Variants in FSTL5 observed in about 807,000 individuals in gnomAD.
FSTL5 encodes follistatin-related protein 5.
In FSTL5, 62 loss-of-function variants were observed where a neutral mutation model predicts 89.1. The observed-to-expected ratio is 0.70, with a 90% CI of 0.57 to 0.86. The LOEUF (loss-of-function observed/expected upper bound fraction) is 0.86. Ranked by LOEUF, FSTL5 falls within the 40% of genes least tolerant of loss-of-function variation. The pLI is 0.00. For missense variants in FSTL5, 1,057 were observed against 1,001.6 expected (o/e 1.06, Z -0.75); for synonymous variants, 383 against 346.2 (o/e 1.11, Z -1.18).
intron 15 of FSTL5, among the ~76,000 whole-genome samples, chr4:161,408,096 G>A (rs1014095510): frequency 8.5e-5 from 13 of 152,110 alleles, no homozygotes; most frequent in African/African-American, 1.4e-4. Context: ...CCCTCCATCC[G>A]CAGGGTTGTT....
intron 7 of FSTL5, among the ~76,000 whole-genome samples, chr4:161,642,714 C>G (rs1011087714): frequency 6.6e-6 from 1 of 152,102 alleles, no homozygotes; most frequent in African/African-American, 2.4e-5. Flanking sequence ...AAGAGAAATA[C>G]TGTATAATTT....
chr4:162,158,276 G>A (rs1158393783), intron 1 of FSTL5, among the ~76,000 whole-genome samples: 1 of 151,970 alleles, frequency 6.6e-6, no homozygotes, highest in Non-Finnish European at 1.5e-5. Context: ...TTCTTATGCT[G>A]TTTGAGGCAC....
intron 8 of FSTL5, among the ~76,000 whole-genome samples, chr4:161,563,330 T>C (rs1171770697): frequency 6.6e-6 from 1 of 152,006 alleles, no homozygotes; most frequent in Admixed American, 6.6e-5. Context: ...GGAACTGCTT[T>C]ATCGTATGGC....
chr4:161,717,044 C>T (rs1236906104), intron 6 of FSTL5, among the ~76,000 whole-genome samples: 5 of 152,138 alleles, frequency 3.3e-5, no homozygotes, highest in Admixed American at 3.3e-4. Context: ...TATCTGGGAT[C>T]TCAATTCATA....
intron 15 of FSTL5, among the ~76,000 whole-genome samples, chr4:161,439,445 T>C (rs1732686495): frequency 6.6e-6 from 1 of 152,212 alleles, no homozygotes; most frequent in Non-Finnish European, 1.5e-5. Flanking sequence ...TCAATAACCA[T>C]GTACTCTTGT....
At chr4:161,635,794 A>G (rs1480276533) in intron 7 of FSTL5, among the ~76,000 whole-genome samples, 2 of 152,212 alleles carry the variant, frequency 1.3e-5, no homozygotes, top group African/African-American at 4.8e-5. Context: ...ATGTCAGTAT[A>G]AAGATGCTTG....
rs1244898366 is a variant in FSTL5, at chr4:161,835,023, G to A, written c.410-58949C>T. 6.2e-5 allele frequency among the ~76,000 whole-genome samples: 9 copies of A among 145,168 alleles called. 1 individual carries two copies. Among genetic ancestry groups the A allele is most frequent in the Non-Finnish European group, 1.4e-4 (9 of 66,492 alleles). ...AATCCTAAGCCAAAAGAACAAAGCT[G>A]GAGGCATCATGATACTTGACTTCAA... On this transcript the variant is annotated intron_variant, in intron 4 of 15. Coordinates refer to ENST00000306100, the MANE Select transcript of FSTL5 (RefSeq NM_020116.5).
intron 4 of FSTL5, among the ~76,000 whole-genome samples, chr4:161,895,463 T>C (rs1160838016): frequency 6.6e-6 from 1 of 152,148 alleles, no homozygotes; most frequent in Non-Finnish European, 1.5e-5. Context: ...GAGGCCAGTG[T>C]TCTGATTTGA....
rs184469784 is a variant in FSTL5, at chr4:161,456,276, A to G, written c.1717-1148T>C. ...CAGTATTTTGAAATTTTTGTAAGAC[A>G]CATATGACTTTTAAAAGTAAAATAA... On this transcript the variant is annotated intron_variant, in intron 14 of 15. Transcript: ENST00000306100. 3.9e-4 allele frequency among the ~76,000 whole-genome samples: 60 copies of G among 152,304 alleles called. 1 individual carries two copies. The highest frequency in any genetic ancestry group is 1.3e-3 in the African/African-American group (55 of 41,580).
chr4:161,932,052 T>G (rs779735628), intron 3 of FSTL5, among the ~76,000 whole-genome samples: 3 of 151,810 alleles, frequency 2.0e-5, no homozygotes, highest in Non-Finnish European at 4.4e-5. Context: ...AATTGTCAGG[T>G]GTAGTGGCAG....
intron 7 of FSTL5, among the ~76,000 whole-genome samples, chr4:161,635,190 C>T (rs568841424): frequency 1.1e-4 from 17 of 152,170 alleles, no homozygotes; most frequent in African/African-American, 3.1e-4. Flanking sequence ...AGTTCAAGAC[C>T]AGCCTGGCCA....
intron 3 of FSTL5, among the ~76,000 whole-genome samples, chr4:161,989,962 T>C (rs1163295648): frequency 1.3e-5 from 2 of 152,156 alleles, no homozygotes; most frequent in African/African-American, 4.8e-5. Context: ...GAATACATTG[T>C]CCAAACTCCT....
intron 11 of FSTL5, among the ~76,000 whole-genome samples, chr4:161,508,074 T>G (rs1730538194): frequency 6.6e-6 from 1 of 151,994 alleles, no homozygotes; most frequent in South Asian, 2.1e-4. Context: ...ATTGTAAAAA[T>G]GAAGAGACAA....
At chr4:161,865,513 CAGT>C (rs544780892) in intron 4 of FSTL5, among the ~76,000 whole-genome samples, 39 of 152,268 alleles carry the variant, frequency 2.6e-4, no homozygotes, top group African/African-American at 9.4e-4. Context: ...ATTCTAACCA[CAGT>C]ATGATTTTGA....
intron 2 of FSTL5, among the ~76,000 whole-genome samples, chr4:162,058,469 C>T (rs1331973469): frequency 6.7e-6 from 1 of 149,010 alleles, no homozygotes; most frequent in Non-Finnish European, 1.5e-5. Flanking sequence ...CTCTGTCCCC[C>T]AGGCTAGAGT....
chr4:162,094,545 T>C (rs1173628221), intron 2 of FSTL5, among the ~76,000 whole-genome samples: 1 of 152,016 alleles, frequency 6.6e-6, no homozygotes, highest in Admixed American at 6.6e-5. Context: ...ATAAATACAA[T>C]AGGTTTCTGC....
At chr4:161,820,678 G>A (rs1176355299) in intron 4 of FSTL5, among the ~76,000 whole-genome samples, 3 of 152,090 alleles carry the variant, frequency 2.0e-5, no homozygotes, top group Admixed American at 1.3e-4. Flanking sequence ...TTTCCTTCAC[G>A]GACTTGGCAC....
At chr4:161,768,621 T>C (rs758255452) in intron 5 of FSTL5, among the ~76,000 whole-genome samples, 15 of 151,998 alleles carry the variant, frequency 9.9e-5, no homozygotes, top group Non-Finnish European at 1.8e-4. Flanking sequence ...CCACCGTCTA[T>C]CTCTCTTATA....
chr4:161,409,003 T>C (rs1262581660), intron 15 of FSTL5, among the ~76,000 whole-genome samples: 4 of 152,180 alleles, frequency 2.6e-5, no homozygotes, highest in Non-Finnish European at 4.4e-5. Flanking sequence ...ATATAGTTCA[T>C]GAAAAATTCC....
Sources: allele counts gnomAD v4.1 joint callset (sites outside exome capture counted in the v4.1 genomes callset), GRCh38; gene constraint gnomAD v4.1.1; transcripts MANE v1.5; gene names NCBI Gene and HGNC (gene_info 2026-07-23, HGNC 2026-07-21).